The following DENND2B variants were observed in gnomAD, a reference collection of about 807,000 sequenced individuals.
DENND2B encodes the protein DENN domain-containing protein 2B.
A neutral mutation model predicts 116.0 loss-of-function variants in DENND2B; 32 were observed. That is an observed-to-expected ratio of 0.28 (90% confidence interval 0.21 to 0.37). The LOEUF is 0.37. DENND2B is among the 10% of genes least tolerant of loss of function. DENND2B has a pLI of 1.00. For synonymous variants in DENND2B, 588 were observed against 583.9 expected (o/e 1.01, Z -0.10); for missense variants, 1,276 against 1,477.7 (o/e 0.86, Z 2.24).
intron 2 of DENND2B, among the ~76,000 whole-genome samples, chr11:8,735,216 A>C (rs1440883512): frequency 6.6e-6 from 1 of 151,922 alleles, no homozygotes; most frequent in Non-Finnish European, 1.5e-5. Context: ...CCCTTTACCC[A>C]CCTGGAATGC....
chr11:8,764,931 T>G (rs1447993699), intron 1 of DENND2B, among the ~76,000 whole-genome samples: 1 of 107,936 alleles, frequency 9.3e-6, no homozygotes, highest in African/African-American at 3.6e-5. Context: ...GGTGACAGAG[T>G]GAGACTGTCT....
intron 2 of DENND2B, among the ~76,000 whole-genome samples, chr11:8,732,631 T>C (rs981627584): frequency 2.9e-5 from 4 of 138,876 alleles, no homozygotes; most frequent in Non-Finnish European, 4.9e-5. Flanking sequence ...CGGTGAATGA[T>C]GAAGAGCAAA....
At chr11:8,832,936 G>A (rs2062275951) in intron 4 of DENND2B, among the ~76,000 whole-genome samples, 5 of 152,246 alleles carry the variant, frequency 3.3e-5, no homozygotes, top group South Asian at 4.1e-4. Context: ...AGGGAGACCC[G>A]AAGCAATCCA....
intron 13 of DENND2B, among the ~76,000 whole-genome samples, 164 bp downstream of exon 13, chr11:8,706,921 A>C (rs921229717): frequency 6.6e-6 from 1 of 152,176 alleles, no homozygotes; most frequent in East Asian, 1.9e-4. Context: ...CAACATGTAC[A>C]TTCCTATTGT....
Position 8,698,897 on chromosome 11 carries a change from C to A in DENND2B, c.2940+36G>T, listed in dbSNP as rs748785268. On this transcript the variant is annotated intron_variant, in intron 16 of 19. Coordinates refer to ENST00000313726, the MANE Select transcript of DENND2B (RefSeq NM_213618.2). ...AGTGTGTGTGATGGTGCAGGGTGCT[C>A]AGGAGCCCAACTCTAGCAAGCACCC... 48 of 1,613,450 alleles carry A rather than the reference C, an allele frequency of 3.0e-5. 1 individual carries two copies. Among genetic ancestry groups the A allele is most frequent in the Non-Finnish European group, 4.0e-5 (47 of 1,179,618 alleles).
rs2048054193 is a variant in DENND2B, at chr11:8,731,061, G to A, written c.229C>T (p.Pro77Ser). 3 of 1,613,840 alleles carry A rather than the reference G, an allele frequency of 1.9e-6. No homozygotes were observed. The highest frequency in any genetic ancestry group is 2.7e-5 in the African/African-American group (2 of 74,926). ...LKDRHPPAPSPQNPQDPSPDT... is the reference protein window; with the variant it reads ...LKDRHPPAPSSQNPQDPSPDT... The stretch of plus-strand genomic sequence containing the variant: ...GGGGAGGGATCTTGAGGATTCTGGG[G>A]TGAAGGAGCTGGGGGGTGCCGGTCC... Residue 77 changes from proline (P) to serine (S), a missense_variant, in exon 3 of 20, where the codon CCC (proline) becomes TCC (serine). Transcript: ENST00000313726.
At chr11:8,854,005 TGCCCCAG>T (rs2063104872) in intron 3 of DENND2B, among the ~76,000 whole-genome samples, 2 of 1,648 alleles carry the variant, frequency 1.2e-3, no homozygotes, top group Non-Finnish European at 1.9e-3. Context: ...AATGCCACCA[TGCCCCAG>T]TTAATTTTTT....
intron 1 of DENND2B, among the ~76,000 whole-genome samples, chr11:8,884,150 T>G (rs991555534): frequency 8.5e-5 from 13 of 152,194 alleles, no homozygotes; most frequent in Non-Finnish European, 1.8e-4. Flanking sequence ...TTCAGTTACT[T>G]TGATCACTTG....
chr11:8,864,723 A>G (rs1274162875), intron 2 of DENND2B, among the ~76,000 whole-genome samples: 1 of 152,262 alleles, frequency 6.6e-6, no homozygotes, highest in Non-Finnish European at 1.5e-5. Context: ...ATAGGACACA[A>G]GAAAGGAAAA....
chr11:8,882,870 C>A (rs559858004), intron 1 of DENND2B, among the ~76,000 whole-genome samples: 1 of 152,210 alleles, frequency 6.6e-6, no homozygotes, highest in African/African-American at 2.4e-5. Flanking sequence ...TGCCTGTGAT[C>A]CCAGCTACTT....
At chr11:8,881,127 T>A (rs1221490857) in intron 1 of DENND2B, 1 of 151,964 alleles carries the variant, frequency 6.6e-6, no homozygotes, top group East Asian at 1.9e-4. Context: ...GGAGGTAAAT[T>A]TTTTTTTACC....
intron 7 of DENND2B, among the ~76,000 whole-genome samples, chr11:8,714,280 G>T (rs1045912260): frequency 7.9e-5 from 12 of 152,234 alleles, no homozygotes; most frequent in African/African-American, 2.2e-4. Flanking sequence ...CTGAGTTGGA[G>T]GCTGAGCCAG....
intron 13 of DENND2B, 115 bp downstream of exon 13, chr11:8,706,970 G>A: frequency 7.5e-7 from 1 of 1,335,148 alleles, no homozygotes; most frequent in Non-Finnish European, 1.0e-6. Flanking sequence ...ACACAGACAT[G>A]GTTGAGCAAG....
At chr11:8,698,476 G>A (rs1592317040) in intron 16 of DENND2B, among the ~76,000 whole-genome samples, 1 of 152,232 alleles carries the variant, frequency 6.6e-6, no homozygotes, top group Non-Finnish European at 1.5e-5. Context: ...TTTGTAGAGA[G>A]CCAGGAGGAT....
chr11:8,824,690 A>T (rs992988725), intron 4 of DENND2B, among the ~76,000 whole-genome samples: 20 of 143,438 alleles, frequency 1.4e-4, no homozygotes, highest in South Asian at 4.5e-4. Flanking sequence ...ATCAAACAAA[A>T]TTTTTTTTTT....
At chr11:8,694,289 A>G (rs1254829978) in intron 19 of DENND2B, among the ~76,000 whole-genome samples, 159 bp from the exon 20 acceptor site, 1 of 152,178 alleles carries the variant, frequency 6.6e-6, no homozygotes, top group Non-Finnish European at 1.5e-5. Context: ...AACACGTGAG[A>G]GCTCTAATTA....
intron 2 of DENND2B, among the ~76,000 whole-genome samples, chr11:8,744,137 T>G (rs1335975444): frequency 6.6e-6 from 1 of 151,586 alleles, no homozygotes; most frequent in Non-Finnish European, 1.5e-5. Flanking sequence ...ATGAAGTTTT[T>G]TTTTTTTTTT....
intron 2 of DENND2B, among the ~76,000 whole-genome samples, chr11:8,858,788 G>A (rs2063286741): frequency 6.6e-6 from 1 of 152,122 alleles, no homozygotes; most frequent in Non-Finnish European, 1.5e-5. Context: ...TCATTTCCTG[G>A]CTCTCCAGCT....
At chr11:8,734,311 C>T (rs905070299) in intron 2 of DENND2B, among the ~76,000 whole-genome samples, 1 of 151,934 alleles carries the variant, frequency 6.6e-6, no homozygotes, top group Non-Finnish European at 1.5e-5. Flanking sequence ...TGCTCATTAT[C>T]ATTAGTACTG....
Sources: allele counts gnomAD v4.1 joint callset (sites outside exome capture counted in the v4.1 genomes callset), GRCh38; gene constraint gnomAD v4.1.1; transcripts MANE v1.5; gene names NCBI Gene and HGNC (gene_info 2026-07-23, HGNC 2026-07-21).